LSAMP: variants seen among roughly 807,000 people sequenced by gnomAD.
The protein encoded by LSAMP is limbic system associated membrane protein, also known as limbic system-associated membrane protein.
In LSAMP, 7 loss-of-function variants were observed where a neutral mutation model predicts 38.6. The ratio of observed to expected loss-of-function variants is 0.18; its 90% CI spans 0.10 to 0.34. LSAMP has a LOEUF of 0.34. Among genes scored for constraint, LSAMP ranks in the 10% least tolerant of loss-of-function variants. The pLI is 1.00. For synonymous variants in LSAMP, 154 were observed against 166.8 expected (o/e 0.92, Z 0.59); for missense variants, 313 against 420.0 (o/e 0.75, Z 2.23).
chr3:115,853,785 C>T (rs575822350), intron 3 of LSAMP, among the ~76,000 whole-genome samples: 1 of 152,272 alleles, frequency 6.6e-6, no homozygotes, highest in South Asian at 2.1e-4. Flanking sequence ...CACTGTTACA[C>T]GAGTTAGGAT....
intron 2 of LSAMP, among the ~76,000 whole-genome samples, chr3:116,057,693 G>A (rs1941513988): frequency 6.6e-6 from 1 of 152,130 alleles, no homozygotes; most frequent in Non-Finnish European, 1.5e-5. Flanking sequence ...ATTGTATGCA[G>A]AAGCACTTAG....
chr3:116,314,085 A>G (rs2047597376), intron 1 of LSAMP, among the ~76,000 whole-genome samples: 1 of 152,252 alleles, frequency 6.6e-6, no homozygotes, highest in African/African-American at 2.4e-5. Context: ...AATGTGGTAC[A>G]GAGAAGTTAA....
intron 1 of LSAMP, among the ~76,000 whole-genome samples, chr3:116,302,230 T>C (rs1464867970): frequency 6.6e-6 from 1 of 152,248 alleles, no homozygotes; most frequent in Non-Finnish European, 1.5e-5. Flanking sequence ...TCAGAGAATG[T>C]TGCTTTCCAA....
At chr3:116,201,268 C>G (rs941635868) in intron 1 of LSAMP, among the ~76,000 whole-genome samples, 2 of 152,184 alleles carry the variant, frequency 1.3e-5, no homozygotes, top group Admixed American at 1.3e-4. Flanking sequence ...CCTGGTAAAG[C>G]TCAGGCAGCA....
At chr3:116,350,156 A>G (rs1272813225) in intron 1 of LSAMP, among the ~76,000 whole-genome samples, 1 of 152,118 alleles carries the variant, frequency 6.6e-6, no homozygotes, top group Non-Finnish European at 1.5e-5. Flanking sequence ...AAATGAGCCC[A>G]CGAATCAGAA....
intron 1 of LSAMP, among the ~76,000 whole-genome samples, chr3:116,437,007 G>GCA (rs2049360490): frequency 1.4e-5 from 2 of 147,502 alleles, no homozygotes; most frequent in Non-Finnish European, 1.5e-5. Flanking sequence ...ATATATATAT[G>GCA]TGTATATATA....
rs751305417 is a variant in LSAMP, at chr3:115,852,536, G to A, written c.596C>T (p.Ala199Val). The A allele has an allele frequency of 6.2e-7, 1 of 1,614,022 alleles. No individual in the cohort carries two copies. The highest frequency in any genetic ancestry group is 8.5e-7 in the Non-Finnish European group (1 of 1,179,952). Residue 199 changes from alanine (A) to valine (V), a missense_variant, in exon 4 of 7, where the codon GCT (alanine) becomes GTT (valine). Ala to Val is a moderately conservative substitution (Grantham distance 64). Transcript: ENST00000490035. ...REQSGKYECK[A>V]ANEVSSADVK... is the part of the protein sequence containing the mutation. ...ATCCGCCGAGGAGACCTCGTTGGCA[G>A]CTTTGCACTCATATTTGCCTGACTG...
At chr3:116,157,684 A>G (rs1290159131) in intron 1 of LSAMP, among the ~76,000 whole-genome samples, 3 of 152,098 alleles carry the variant, frequency 2.0e-5, no homozygotes, top group African/African-American at 7.2e-5. Context: ...ACTTATCAAT[A>G]ATGATTTTGA....
chr3:116,434,848 C>T (rs557516387), intron 1 of LSAMP, among the ~76,000 whole-genome samples: 31 of 152,218 alleles, frequency 2.0e-4, no homozygotes, highest in African/African-American at 6.7e-4. Context: ...TGCGCTCGGC[C>T]GGGGCTTTGA....
chr3:116,272,832 G>A (rs775292242), intron 1 of LSAMP, among the ~76,000 whole-genome samples: 2 of 152,002 alleles, frequency 1.3e-5, no homozygotes, highest in Non-Finnish European at 2.9e-5. Flanking sequence ...TGAAACTTTG[G>A]TTTGCTATTT....
At chr3:116,310,797 G>C (rs1357854096) in intron 1 of LSAMP, among the ~76,000 whole-genome samples, 1 of 151,890 alleles carries the variant, frequency 6.6e-6, no homozygotes, top group Non-Finnish European at 1.5e-5. Context: ...GGAAAAATTT[G>C]GGTCCAGAAA....
intron 1 of LSAMP, among the ~76,000 whole-genome samples, chr3:116,239,926 T>C (rs1001013170): frequency 2.6e-5 from 4 of 152,214 alleles, no homozygotes; most frequent in Non-Finnish European, 4.4e-5. Context: ...CATACTTCTT[T>C]ATATGAATAA....
chr3:116,183,634 C>T, intron 1 of LSAMP, among the ~76,000 whole-genome samples: 1 of 151,814 alleles, frequency 6.6e-6, no homozygotes, highest in East Asian at 1.9e-4. Context: ...GATAGAGTTT[C>T]TGGCATACTG....
Position 116,041,967 on chromosome 3 carries a change from C to T in LSAMP, c.389-22327G>A, listed in dbSNP as rs571323834. Among the ~76,000 whole-genome samples, 63 of 152,150 alleles carry T rather than the reference C, an allele frequency of 4.1e-4. 1 individual carries two copies. The highest frequency in any genetic ancestry group is 1.4e-3 in the African/African-American group (58 of 41,514). On this transcript the variant is annotated intron_variant, in intron 2 of 6. Transcript: ENST00000490035. ...TAATTTATGCTTGAAGTAAACTATG[C>T]TACTTATTTTTCCTTGACATATATC...
At chr3:116,105,016 GGCA>G (rs1708431687) in intron 1 of LSAMP, among the ~76,000 whole-genome samples, 1 of 152,128 alleles carries the variant, frequency 6.6e-6, no homozygotes, top group African/African-American at 2.4e-5. Flanking sequence ...TCAAATATAG[GGCA>G]GAAAATGTGT....
intron 1 of LSAMP, among the ~76,000 whole-genome samples, chr3:116,188,055 C>T (rs1024446401): frequency 6.6e-5 from 10 of 152,086 alleles, no homozygotes; most frequent in Non-Finnish European, 1.0e-4. Flanking sequence ...ATTTTGTACA[C>T]GTTTTTCTAT....
At chr3:116,104,802 G>A (rs1490964837) in intron 1 of LSAMP, among the ~76,000 whole-genome samples, 2 of 151,016 alleles carry the variant, frequency 1.3e-5, no homozygotes, top group African/African-American at 2.4e-5. Context: ...GTGCTCATCT[G>A]GGACCTAAAT....
intron 1 of LSAMP, chr3:116,367,864 A>C (rs1046288878): frequency 6.6e-6 from 1 of 152,038 alleles, no homozygotes; most frequent in African/African-American, 2.4e-5. Flanking sequence ...AAAACTTTAC[A>C]AGAAATCCAC....
At chr3:116,334,782 A>T (rs894269540) in intron 1 of LSAMP, among the ~76,000 whole-genome samples, 2 of 152,102 alleles carry the variant, frequency 1.3e-5, no homozygotes, top group Non-Finnish European at 2.9e-5. Context: ...CACAGCAAAC[A>T]TTATCAATGG....
Sources: gnomAD v4.1 joint callset for allele counts (sites outside exome capture counted in the v4.1 genomes callset) on GRCh38, gnomAD v4.1.1 for gene constraint, MANE v1.5 for transcripts, NCBI Gene and HGNC (gene_info 2026-07-23, HGNC 2026-07-21) for gene names.